The following MAPKAP1 variants were observed in gnomAD, a reference collection of about 807,000 sequenced individuals.
The protein encoded by MAPKAP1 is MAPK associated protein 1.
A neutral mutation model predicts 65.7 loss-of-function variants in MAPKAP1; 20 were observed. That is an observed-to-expected ratio of 0.30 (90% CI 0.21 to 0.44). The LOEUF (loss-of-function observed/expected upper bound fraction) is 0.44. MAPKAP1 is among the 20% of genes least tolerant of loss of function. MAPKAP1 has a pLI of 1.00. For synonymous variants in MAPKAP1, 222 were observed against 244.3 expected (o/e 0.91, Z 0.85); for missense variants, 423 against 648.0 (o/e 0.65, Z 3.77).
At chr9:125,659,822 C>T (rs1223007598) in intron 3 of MAPKAP1, among the ~76,000 whole-genome samples, 1 of 151,946 alleles carries the variant, frequency 6.6e-6, no homozygotes, top group East Asian at 1.9e-4. Flanking sequence ...CTGTCCAGTC[C>T]CTCTACTTCC....
chr9:125,572,064 C>T (rs939473761), intron 5 of MAPKAP1, among the ~76,000 whole-genome samples: 1 of 152,118 alleles, frequency 6.6e-6, no homozygotes, highest in Non-Finnish European at 1.5e-5. Flanking sequence ...TAATTTATGG[C>T]AATATAGTTA....
At chr9:125,669,956 T>C in intron 2 of MAPKAP1, 49 bp from the exon 3 acceptor site, 1 of 1,086,772 alleles carries the variant, frequency 9.2e-7, no homozygotes, top group Non-Finnish European at 1.3e-6. Context: ...AAGTTTACCA[T>C]AAACAAAGAC....
chr9:125,614,789 C>G (rs914029810), intron 4 of MAPKAP1, among the ~76,000 whole-genome samples: 1 of 151,864 alleles, frequency 6.6e-6, no homozygotes, highest in Non-Finnish European at 1.5e-5. Context: ...TTTTATTAAC[C>G]CAACATAGAA....
intron 6 of MAPKAP1, among the ~76,000 whole-genome samples, chr9:125,550,942 T>C (rs1387771192): frequency 6.6e-6 from 1 of 152,218 alleles, no homozygotes; most frequent in East Asian, 1.9e-4. Flanking sequence ...TATTCCTTAT[T>C]CTATTTTAGC....
chr9:125,605,511 C>T (rs936097468), intron 4 of MAPKAP1, among the ~76,000 whole-genome samples: 5 of 152,194 alleles, frequency 3.3e-5, no homozygotes, highest in African/African-American at 9.6e-5. Context: ...CAAATCATCC[C>T]TCTAGTCTAA....
chr9:125,450,505 G>A (rs1744212875), intron 10 of MAPKAP1, among the ~76,000 whole-genome samples: 1 of 152,034 alleles, frequency 6.6e-6, no homozygotes, highest in Non-Finnish European at 1.5e-5. Flanking sequence ...TATAACCACC[G>A]TTTTCAATGG....
chr9:125,636,855 T>A (rs1037313225), intron 4 of MAPKAP1, among the ~76,000 whole-genome samples: 4 of 152,228 alleles, frequency 2.6e-5, no homozygotes, highest in African/African-American at 9.6e-5. Flanking sequence ...GACTCAACCC[T>A]GTCTTACCCT....
chr9:125,549,957 AC>A (rs1830539575), intron 6 of MAPKAP1, among the ~76,000 whole-genome samples: 1 of 152,242 alleles, frequency 6.6e-6, no homozygotes, highest in Non-Finnish European at 1.5e-5. Flanking sequence ...ACCGTGGGCT[AC>A]TTCCAACCAC....
chr9:125,619,779 A>G (rs1262725682), intron 4 of MAPKAP1, among the ~76,000 whole-genome samples: 1 of 152,116 alleles, frequency 6.6e-6, no homozygotes, highest in Non-Finnish European at 1.5e-5. Context: ...GAGGCAAAAA[A>G]TGTATATTTC....
chr9:125,649,814 AAAAG>A lies in MAPKAP1; in HGVS notation c.498+7833_498+7836del, dbSNP rs1833842143. Among the ~76,000 whole-genome samples the A allele has an allele frequency of 2.6e-5, 4 of 151,668 alleles. No homozygotes were observed. The South Asian group carries it at 8.3e-4, about 31-fold the overall frequency. On this transcript the variant is annotated intron_variant, in intron 4 of 11. Transcript: ENST00000265960. Reference sequence around the variant, plus strand: ...ACTCCGTCTCAAAAAAAAAAAAAAAAAAAGAAAAGAAGAAAATAAGAATCTTTGA... The same window carrying A: ...ACTCCGTCTCAAAAAAAAAAAAAAAAAAAAGAAGAAAATAAGAATCTTTGA...
At chr9:125,545,512 G>A (rs1479124401) in intron 6 of MAPKAP1, among the ~76,000 whole-genome samples, 1 of 152,148 alleles carries the variant, frequency 6.6e-6, no homozygotes, top group Non-Finnish European at 1.5e-5. Flanking sequence ...TCACAAACTA[G>A]TACTGGCCTG....
rs1835780709 is a variant in MAPKAP1, at chr9:125,706,908, C to G, written c.-70+63G>C. 1.3e-5 allele frequency: 5 copies of G among 387,538 alleles called. No individual in the cohort carries two copies. The East Asian group carries it at 1.8e-4, about 14-fold the overall frequency. The allele number at this position is 387,538 out of a possible 1,614,324, so 24.0% of individuals were successfully genotyped here. Reference sequence around the variant, plus strand: ...TGAAACTGGAGGGGTGAGAGGGCCGCCAGGTGGGCAAGCTGGTGGGCTGAC... The same window carrying G: ...TGAAACTGGAGGGGTGAGAGGGCCGGCAGGTGGGCAAGCTGGTGGGCTGAC... On this transcript the variant is annotated intron_variant, in intron 1 of 11. Coordinates refer to ENST00000265960, the MANE Select transcript of MAPKAP1 (RefSeq NM_001006617.3).
intron 7 of MAPKAP1, among the ~76,000 whole-genome samples, chr9:125,529,339 T>A (rs1010376742): frequency 1.3e-5 from 2 of 152,070 alleles, no homozygotes; most frequent in African/African-American, 2.4e-5. Context: ...ACTGTCACCC[T>A]TATATCCTTA....
chr9:125,689,644 C>T (rs575853684), intron 1 of MAPKAP1, among the ~76,000 whole-genome samples: 2 of 144,970 alleles, frequency 1.4e-5, no homozygotes, highest in Admixed American at 7.1e-5. Context: ...GAGGCTGAGG[C>T]GTGAGAATCA....
chr9:125,698,559 C>A (rs1835503029), intron 1 of MAPKAP1, among the ~76,000 whole-genome samples: 1 of 151,588 alleles, frequency 6.6e-6, no homozygotes, highest in Non-Finnish European at 1.5e-5. Context: ...CCAGGCTGGT[C>A]TCGAACTCCT....
At chr9:125,597,090 G>A (rs983261533) in intron 4 of MAPKAP1, among the ~76,000 whole-genome samples, 20 of 151,554 alleles carry the variant, frequency 1.3e-4, no homozygotes, top group South Asian at 2.1e-4. Context: ...GTGAAACCCT[G>A]TCTCTACTAA....
chr9:125,460,083 G>GT (rs1853427188), intron 10 of MAPKAP1, among the ~76,000 whole-genome samples: 1 of 152,116 alleles, frequency 6.6e-6, no homozygotes, highest in Non-Finnish European at 1.5e-5. Context: ...GAATTTTTCA[G>GT]TAGGGAACAG....
At chr9:125,577,522 A>G (rs1831461365) in intron 5 of MAPKAP1, among the ~76,000 whole-genome samples, 1 of 132,300 alleles carries the variant, frequency 7.6e-6, no homozygotes, top group Non-Finnish European at 1.6e-5. Flanking sequence ...GGAAGTGAGG[A>G]GCCCCTCTGC....
At chr9:125,579,506 T>C (rs904016964) in intron 5 of MAPKAP1, among the ~76,000 whole-genome samples, 2 of 152,194 alleles carry the variant, frequency 1.3e-5, no homozygotes, top group African/African-American at 4.8e-5. Flanking sequence ...TTGACCAGGC[T>C]GGTGTTGAAC....
Sources: allele counts gnomAD v4.1 joint callset (sites outside exome capture counted in the v4.1 genomes callset), GRCh38; gene constraint gnomAD v4.1.1; transcripts MANE v1.5; gene names NCBI Gene and HGNC (gene_info 2026-07-23, HGNC 2026-07-21).